MAP7D2: variants seen among roughly 807,000 people sequenced by gnomAD.
MAP7D2 encodes the protein MAP7 domain-containing protein 2.
MAP7D2 carries 33 observed loss-of-function variants against 63.5 expected under a neutral mutation model. The observed-to-expected ratio is 0.52, with a 90% CI of 0.39 to 0.70. MAP7D2 has a LOEUF of 0.70. Ranked by LOEUF, MAP7D2 falls within the 30% of genes least tolerant of loss-of-function variation. MAP7D2 has a pLI of 0.00. For synonymous variants in MAP7D2, 224 were observed against 223.7 expected (o/e 1.00, Z -0.01); for missense variants, 626 against 604.0 (o/e 1.04, Z -0.38).
intron 1 of MAP7D2, among the ~76,000 whole-genome samples, chrX:20,094,565 TATAC>T (rs36062022): frequency 0.29 from 4,041 of 13,804 alleles, 1,023 homozygotes; most frequent in Non-Finnish European, 0.34. Flanking sequence ...TATATATATA[TATAC>T]ATATATATGT....
At chrX:20,059,588 G>A (rs926529910) in intron 3 of MAP7D2, among the ~76,000 whole-genome samples, 7 of 70,307 alleles carry the variant, frequency 1.0e-4, no homozygotes, top group Non-Finnish European at 2.5e-5. Context: ...TAGTGGAAGG[G>A]TGGAAGGAAG....
chrX:20,074,866 C>A (rs1303579224), intron 1 of MAP7D2, among the ~76,000 whole-genome samples: 1 of 110,963 alleles, frequency 9.0e-6, no homozygotes, highest in Non-Finnish European at 1.9e-5. Flanking sequence ...GCCTGGCCAA[C>A]ATGGTGAAAC....
At chrX:20,088,648 T>C (rs1186953053) in intron 1 of MAP7D2, among the ~76,000 whole-genome samples, 5 of 109,058 alleles carry the variant, frequency 4.6e-5, no homozygotes, top group Non-Finnish European at 9.6e-5. Flanking sequence ...TTGTCTGACA[T>C]TTTTATTGTG....
intron 4 of MAP7D2, among the ~76,000 whole-genome samples, chrX:20,053,906 C>T (rs758872555): frequency 5.4e-4 from 60 of 111,714 alleles, no homozygotes; most frequent in African/African-American, 1.9e-3. Context: ...TGCAGTGGCA[C>T]GATCTCGGCT....
rs1190596770 is a variant in MAP7D2 at position 20,094,570 on chromosome X, A to G, written c.130+22180T>C. Among the ~76,000 whole-genome samples the G allele has an allele frequency of 1.9e-3, 22 of 11,739 alleles. 2 individuals carry two copies. The highest frequency in any genetic ancestry group is 0.02 in the East Asian group (2 of 98). 10.2% of individuals were successfully genotyped at this position (11,739 alleles called of 115,157 possible). A position where few individuals can be genotyped will look rare whatever the true frequency, so the allele number is the denominator to read the frequency against. Reference sequence around the variant, plus strand: ...TATATATATATATATATATATATACATATATATGTATATATATATATATTT... The same window carrying G: ...TATATATATATATATATATATATACGTATATATGTATATATATATATATTT... On this transcript the variant is annotated intron_variant, in intron 1 of 16. Coordinates refer to ENST00000379643, the MANE Select transcript of MAP7D2 (RefSeq NM_001168465.2).
chrX:20,067,036 G>C (rs1043134113), intron 1 of MAP7D2, among the ~76,000 whole-genome samples: 4 of 112,379 alleles, frequency 3.6e-5, no homozygotes, highest in African/African-American at 6.5e-5. Flanking sequence ...TCTACCTCAA[G>C]AGTCTGATTA....
intron 3 of MAP7D2, 42 bp from the exon 4 acceptor site, chrX:20,056,833 C>T: frequency 9.1e-7 from 1 of 1,102,758 alleles, no homozygotes; most frequent in Non-Finnish European, 1.2e-6. Flanking sequence ...AGATTAACTA[C>T]CCAGCCCCAC....
rs531741655 is a variant in MAP7D2 at position 20,097,529 on chromosome X, T to C, written c.130+19221A>G. Among the ~76,000 whole-genome samples the C allele has an allele frequency of 3.6e-5, 4 of 112,217 alleles. No homozygotes were observed. In the South Asian group the frequency reaches 1.5e-3, roughly 42 times the overall value. On this transcript the variant is annotated intron_variant, in intron 1 of 16. Coordinates refer to ENST00000379643, the MANE Select transcript of MAP7D2 (RefSeq NM_001168465.2). ...GAACTAGGACCTAGGATAAGAGACT[T>C]TGACATACTTATAGGAAGAGAAAAA...
chrX:20,015,335 A>C lies in MAP7D2; in HGVS notation c.1645-8T>G, dbSNP rs1236922100. 8.4e-7 allele frequency: 1 copy of C among 1,185,635 alleles called. No homozygotes were observed. The highest frequency in any genetic ancestry group is 1.1e-6 in the Non-Finnish European group (1 of 873,607). On this transcript the variant is annotated splice_region_variant and splice_polypyrimidine_tract_variant and intron_variant, in intron 11 of 16. Coordinates refer to ENST00000379643, the MANE Select transcript of MAP7D2 (RefSeq NM_001168465.2). ...TGTTTCTGCTGCTTCTTTCTAACAG[A>C]AACAGGTAAATCAAGGCAAAGCTTT...
chrX:20,037,025 T>G (rs1245623971), intron 8 of MAP7D2, among the ~76,000 whole-genome samples: 4 of 108,330 alleles, frequency 3.7e-5, no homozygotes, highest in African/African-American at 1.3e-4. Context: ...ACGAAAGAAC[T>G]CCATCCTTAA....
chrX:20,009,822 C>T (rs1170421438), intron 16 of MAP7D2, among the ~76,000 whole-genome samples: 1 of 110,214 alleles, frequency 9.1e-6, no homozygotes, highest in Non-Finnish European at 1.9e-5. Flanking sequence ...TAGCAAGACC[C>T]AACCTCTACA....
intron 13 of MAP7D2, 22 bp from the exon 14 acceptor site, chrX:20,013,154 A>C (rs1417050753): frequency 5.3e-6 from 6 of 1,127,798 alleles, no homozygotes; most frequent in Non-Finnish European, 7.3e-6. Context: ...TGGAAGGTGA[A>C]TGAAATGAGG....
chrX:20,011,534 G>A (rs1002617715), intron 15 of MAP7D2, among the ~76,000 whole-genome samples: 12 of 112,338 alleles, frequency 1.1e-4, no homozygotes, highest in African/African-American at 3.6e-4. Context: ...CAGTTTCTTC[G>A]CCAGTAAAAT....
chrX:20,057,806 G>A (rs183563566), intron 3 of MAP7D2, among the ~76,000 whole-genome samples: 2 of 112,157 alleles, frequency 1.8e-5, no homozygotes, highest in East Asian at 5.6e-4. Flanking sequence ...ACACACAGAA[G>A]CAAAATTAAT....
intron 6 of MAP7D2, among the ~76,000 whole-genome samples, chrX:20,045,092 C>T (rs1247865045): frequency 1.8e-5 from 2 of 111,336 alleles, no homozygotes; most frequent in Non-Finnish European, 3.8e-5. Context: ...GAGTTTCTAG[C>T]CAACTTCCCA....
chrX:20,038,289 A>G (rs1379131718), intron 8 of MAP7D2, among the ~76,000 whole-genome samples: 1 of 111,969 alleles, frequency 8.9e-6, no homozygotes, highest in Non-Finnish European at 1.9e-5. Context: ...ATCCACCTTC[A>G]TGGTATTCCA....
intron 1 of MAP7D2, among the ~76,000 whole-genome samples, chrX:20,101,927 A>G (rs1232970802): frequency 8.9e-6 from 1 of 112,840 alleles, no homozygotes; most frequent in Non-Finnish European, 1.9e-5. Context: ...AGTAAATTTT[A>G]TGTTACATAT....
At chrX:20,023,835 C>T (rs908783672) in intron 10 of MAP7D2, among the ~76,000 whole-genome samples, 2 of 111,036 alleles carry the variant, frequency 1.8e-5, no homozygotes, top group Non-Finnish European at 3.8e-5. Flanking sequence ...ACATGCCACT[C>T]GACAAAACAA....
chrX:20,105,105 G>A (rs2066533859), intron 1 of MAP7D2, among the ~76,000 whole-genome samples: 1 of 111,724 alleles, frequency 9.0e-6, no homozygotes, highest in Non-Finnish European at 1.9e-5. Flanking sequence ...GCTTAATAAA[G>A]GGCTGCAGGT....
Sources: gnomAD v4.1 joint callset for allele counts (sites outside exome capture counted in the v4.1 genomes callset) on GRCh38, gnomAD v4.1.1 for gene constraint, MANE v1.5 for transcripts, NCBI Gene and HGNC (gene_info 2026-07-23, HGNC 2026-07-21) for gene names.